CIB4: variants seen among roughly 807,000 people sequenced by gnomAD.
CIB4 encodes calcium and integrin binding family member 4.
In CIB4, 25 loss-of-function variants were observed where a neutral mutation model predicts 25.8. The ratio of observed to expected loss-of-function variants is 0.97; its 90% CI spans 0.71 to 1.35. The LOEUF is 1.35. Among genes scored for constraint, CIB4 ranks in the 40% most tolerant of loss-of-function variants. CIB4 has a pLI of 0.00. For missense variants in CIB4, 235 were observed against 228.2 expected, an observed-to-expected ratio of 1.03 and a Z score of -0.19; for synonymous variants, 75 against 81.4, an observed-to-expected ratio of 0.92 and a Z score of 0.42.
chr2:26,583,874 T>A lies in CIB4; in HGVS notation c.353A>T (p.Asp118Val), dbSNP rs1272621534. 3.1e-6 allele frequency: 5 copies of A among 1,612,400 alleles called. No individual in the cohort carries two copies. The highest frequency in any genetic ancestry group is 3.4e-4 in the Middle Eastern group (2 of 5,890). Residue 118 changes from aspartate (D) to valine (V), a missense_variant, in exon 5 of 7, where the codon GAT (aspartate) becomes GTT (valine). Coordinates refer to ENST00000288861, the MANE Select transcript of CIB4 (RefSeq NM_001029881.3). ...IYDFNENGFI[D>V]EEDLQRIILR... ...GATGATCCTCTGCAGATCCTCCTCA[T>A]CAATGAAGCCATTCTCATTAAAATC...
intron 2 of CIB4, among the ~76,000 whole-genome samples, chr2:26,636,495 C>T (rs991291731): frequency 5.3e-5 from 8 of 152,168 alleles, no homozygotes; most frequent in African/African-American, 1.4e-4. Flanking sequence ...TAATTCTAAT[C>T]TGGACTGATT....
At chr2:26,594,440 A>C (rs1668642085) in intron 4 of CIB4, among the ~76,000 whole-genome samples, 1 of 152,232 alleles carries the variant, frequency 6.6e-6, no homozygotes. Flanking sequence ...GATGGAGTCC[A>C]CCATGTGGAG....
chr2:26,581,648 G>T (rs559629482), intron 6 of CIB4, among the ~76,000 whole-genome samples: 1 of 152,364 alleles, frequency 6.6e-6, no homozygotes, highest in Admixed American at 6.5e-5. Flanking sequence ...AAATGGAAGA[G>T]ATTCAAAGAG....
intron 2 of CIB4, among the ~76,000 whole-genome samples, chr2:26,638,146 C>T (rs981473795): frequency 1.3e-5 from 2 of 152,308 alleles, no homozygotes; most frequent in East Asian, 1.9e-4. Flanking sequence ...TTAAGAACTG[C>T]TTGTTAGAGA....
rs574038856 is a variant in CIB4 at position 26,618,800 on chromosome 2, G to C, written c.186+10610C>G. Reference sequence around the variant, plus strand: ...GGAGGAAGAAGTTGTGCCAAGGCTTGCATGGCCGCCCAGGAAGCCACTCAG... The same window carrying C: ...GGAGGAAGAAGTTGTGCCAAGGCTTCCATGGCCGCCCAGGAAGCCACTCAG... On this transcript the variant is annotated intron_variant, in intron 3 of 6. Transcript: ENST00000288861. 1.3e-4 allele frequency among the ~76,000 whole-genome samples: 20 copies of C among 152,284 alleles called. No homozygotes were observed. The South Asian group carries it at 4.1e-3, about 32-fold the overall frequency.
intron 3 of CIB4, chr2:26,605,538 C>G: frequency 2.1e-6 from 1 of 471,104 alleles, no homozygotes; most frequent in Non-Finnish European, 4.4e-6. Context: ...TCAGGGAAGG[C>G]TCTTCTTCCT....
chr2:26,582,373 C>T (rs746465609), intron 6 of CIB4, among the ~76,000 whole-genome samples: 3 of 152,180 alleles, frequency 2.0e-5, no homozygotes, highest in Non-Finnish European at 4.4e-5. Flanking sequence ...CTCAGAAGAC[C>T]CTTTGGGCCC....
In CIB4 at chr2:26,606,503, G is replaced by A. The variant is rs114685985; in HGVS notation, c.187-11186C>T. Among the ~76,000 whole-genome samples, 1,085 of 152,270 alleles carry A rather than the reference G, an allele frequency of 7.1e-3. 8 individuals are homozygous for A. Among genetic ancestry groups the A allele is most frequent in the Non-Finnish European group, 0.012 (831 of 68,016 alleles). On this transcript the variant is annotated intron_variant, in intron 3 of 6. Transcript: ENST00000288861. ...CCAGAGGACTCCCCCCTCCTCCCGC[G>A]CCCCTCAAGCTGTCTCTTTCCCTTC...
intron 3 of CIB4, among the ~76,000 whole-genome samples, chr2:26,606,226 G>A (rs761242725): frequency 2.0e-5 from 3 of 152,210 alleles, no homozygotes; most frequent in Non-Finnish European, 4.4e-5. Context: ...AAGAAACTCA[G>A]CCTAGGCACT....
In CIB4 at chr2:26,595,182, T is replaced by C. The variant is rs201451823; in HGVS notation, c.322A>G (p.Ile108Val). ...AGTCCCCCACAGCACCTACCATAGA[T>C]GCGAAAGGCATACTCAATCTTCAGG... is the stretch of plus-strand genomic sequence containing the variant. ...PSLKIEYAFR[I>V]YDFNENGFID... The change falls in exon 4 of 7, where the codon ATC becomes GTC. Residue 108 changes from isoleucine to valine, a missense_variant. Physicochemically the swap from Ile to Val is conservative, Grantham distance 29. Coordinates refer to ENST00000288861, the MANE Select transcript of CIB4 (RefSeq NM_001029881.3). 1 of 1,609,366 alleles carries C rather than the reference T, an allele frequency of 6.2e-7. No individual in the cohort carries two copies. Among genetic ancestry groups the C allele is most frequent in the Non-Finnish European group, 8.5e-7 (1 of 1,176,034 alleles).
At chr2:26,632,757 CAAAAAA>C (rs58312058) in intron 2 of CIB4, among the ~76,000 whole-genome samples, 1 of 120,142 alleles carries the variant, frequency 8.3e-6, no homozygotes, top group Admixed American at 8.1e-5. Context: ...GACTCCATCT[CAAAAAA>C]AAAAAAAAAG....
chr2:26,603,752 C>T (rs56693323), intron 3 of CIB4, among the ~76,000 whole-genome samples: 2,400 of 152,264 alleles, frequency 0.016, 66 homozygotes, highest in African/African-American at 0.053. Flanking sequence ...AATCCCAGCA[C>T]TTTCGGAGGC....
intron 4 of CIB4, among the ~76,000 whole-genome samples, chr2:26,591,384 A>G (rs925173723): frequency 6.6e-6 from 1 of 152,210 alleles, no homozygotes; most frequent in Admixed American, 6.5e-5. Flanking sequence ...GCACAGAGGC[A>G]TAGCAGATCT....
intron 3 of CIB4, among the ~76,000 whole-genome samples, chr2:26,613,502 T>C (rs1483627454): frequency 1.3e-5 from 2 of 152,186 alleles, no homozygotes; most frequent in Non-Finnish European, 2.9e-5. Context: ...ACAGGCAGCT[T>C]CTGGGAATGC....
At chr2:26,613,463 C>T (rs1056185377) in intron 3 of CIB4, among the ~76,000 whole-genome samples, 3 of 152,204 alleles carry the variant, frequency 2.0e-5, no homozygotes, top group Admixed American at 6.5e-5. Flanking sequence ...GGTCCTGCCA[C>T]TCAGAGGGCA....
chr2:26,596,433 T>TA lies in CIB4; in HGVS notation c.187-1117dup, dbSNP rs572328556. Among the ~76,000 whole-genome samples, 793 of 152,080 alleles carry TA rather than the reference T, an allele frequency of 5.2e-3. 4 individuals carry two copies. Among genetic ancestry groups the TA allele is most frequent in the Non-Finnish European group, 8.1e-3 (553 of 67,992 alleles). ...AGAAGGCATTGAAATGGTTCTTTTT[T>TA]AAAAAAGAGTTAAAATATAGTAAAA... On this transcript the variant is annotated intron_variant, in intron 3 of 6. Transcript: ENST00000288861.
intron 4 of CIB4, 129 bp from the exon 5 acceptor site, chr2:26,584,027 C>A (rs1294222867): frequency 3.2e-6 from 2 of 627,398 alleles, no homozygotes; most frequent in African/African-American, 1.8e-5. Context: ...GGGAGGCCCC[C>A]CAGAGCCCAA....
Position 26,629,311 on chromosome 2 carries a change from C to A in CIB4, c.186+99G>T, listed in dbSNP as rs1002693922. 15 of 753,194 alleles carry A rather than the reference C, an allele frequency of 2.0e-5. No individual in the cohort carries two copies. The East Asian group carries it at 4.0e-4, about 20-fold the overall frequency. 46.7% of individuals were successfully genotyped at this position (753,194 alleles called of 1,614,324 possible). ...TTGGAGTGAGGTGACCATCCCACAG[C>A]ACGGAGTGCCCACCTCACCCCACCC... On this transcript the variant is annotated intron_variant, in intron 3 of 6. Transcript: ENST00000288861.
chr2:26,610,150 C>A (rs567309962), intron 3 of CIB4, among the ~76,000 whole-genome samples: 2 of 152,340 alleles, frequency 1.3e-5, no homozygotes, highest in Non-Finnish European at 2.9e-5. Context: ...GGTGTCAGGG[C>A]TGCTTTGCAG....
Sources: allele counts gnomAD v4.1 joint callset (sites outside exome capture counted in the v4.1 genomes callset), GRCh38; gene constraint gnomAD v4.1.1; transcripts MANE v1.5; gene names NCBI Gene and HGNC (gene_info 2026-07-23, HGNC 2026-07-21).